The following WASF3 variants were observed in gnomAD, a reference collection of about 807,000 sequenced individuals.
WASF3 encodes the protein actin-binding protein WASF3.
Under a neutral mutation model 46.6 loss-of-function variants are expected in WASF3, and 11 were observed. The observed-to-expected ratio is 0.24, with a 90% CI of 0.15 to 0.39. The LOEUF (loss-of-function observed/expected upper bound fraction) is 0.39. WASF3 is among the 10% of genes least tolerant of loss of function. The pLI, the probability that WASF3 is intolerant of heterozygous loss-of-function variation, is 1.00. For missense variants in WASF3, 576 were observed against 669.8 expected (o/e 0.86, Z 1.55); for synonymous variants, 242 against 259.7 (o/e 0.93, Z 0.65).
Position 26,685,998 on chromosome 13 carries a change from T to C in WASF3, c.*153T>C, listed in dbSNP as rs1316008274. On this transcript the variant is annotated 3_prime_UTR_variant, in exon 10 of 10. Coordinates refer to ENST00000335327, the MANE Select transcript of WASF3 (RefSeq NM_006646.6). ...GCACATCCAAAAATTCTGGGTCTTT[T>C]CAGTATTTACTGTGTAATACTTAAG... The C allele has an allele frequency of 9.4e-7, 1 of 1,068,544 alleles. No individual in the cohort carries two copies. 66.2% of individuals were successfully genotyped at this position (1,068,544 alleles called of 1,614,324 possible).
intron 4 of WASF3, among the ~76,000 whole-genome samples, chr13:26,666,062 A>G (rs1419903423): frequency 6.6e-6 from 1 of 152,196 alleles, no homozygotes; most frequent in Admixed American, 6.5e-5. Context: ...CTCATCATTT[A>G]AAAAATATAT....
chr13:26,613,940 TAGC>T (rs1030770871), intron 2 of WASF3, among the ~76,000 whole-genome samples: 33 of 152,318 alleles, frequency 2.2e-4, no homozygotes, highest in African/African-American at 7.5e-4. Flanking sequence ...CAATGAGACA[TAGC>T]AGACTAGTAG....
chr13:26,566,872 G>A (rs769725423), intron 1 of WASF3, among the ~76,000 whole-genome samples: 14 of 152,250 alleles, frequency 9.2e-5, no homozygotes, highest in Non-Finnish European at 1.8e-4. Context: ...ACTGGAACTT[G>A]TGTGAGCATC....
At chr13:26,589,050 T>C (rs920236553) in intron 1 of WASF3, among the ~76,000 whole-genome samples, 2 of 152,168 alleles carry the variant, frequency 1.3e-5, no homozygotes, top group Non-Finnish European at 2.9e-5. Flanking sequence ...TGCCTCAGTC[T>C]CTCAAAGTGC....
chr13:26,605,837 TGTG>T (rs1015374286), intron 1 of WASF3, among the ~76,000 whole-genome samples: 1 of 152,254 alleles, frequency 6.6e-6, no homozygotes, highest in Non-Finnish European at 1.5e-5. Flanking sequence ...CACTTTTTGT[TGTG>T]GTAATGAATA....
intron 3 of WASF3, among the ~76,000 whole-genome samples, chr13:26,652,412 T>G (rs562898139): frequency 6.6e-6 from 1 of 152,246 alleles, no homozygotes; most frequent in Non-Finnish European, 1.5e-5. Flanking sequence ...AAACTCAAAA[T>G]CATAGTTGGA....
chr13:26,585,096 TA>T (rs35542854), intron 1 of WASF3, among the ~76,000 whole-genome samples: 3,138 of 143,482 alleles, frequency 0.022, 48 homozygotes, highest in Non-Finnish European at 0.03. Flanking sequence ...AAGAAAAATG[TA>T]AAAAAAAAAA....
intron 3 of WASF3, among the ~76,000 whole-genome samples, chr13:26,650,567 C>T (rs950328487): frequency 1.3e-5 from 2 of 152,146 alleles, no homozygotes; most frequent in African/African-American, 4.8e-5. Flanking sequence ...AAGTAGATAA[C>T]ATGCAGGGAC....
intron 3 of WASF3, among the ~76,000 whole-genome samples, chr13:26,659,799 G>A (rs773406862): frequency 7.9e-5 from 12 of 152,202 alleles, no homozygotes; most frequent in Non-Finnish European, 1.6e-4. Flanking sequence ...GTCTGTGACT[G>A]GAGCAACGGG....
chr13:26,557,447 T>C (rs913262934), upstream of WASF3, among the ~76,000 whole-genome samples: 6 of 152,208 alleles, frequency 3.9e-5, no homozygotes, highest in African/African-American at 1.2e-4. Context: ...GAAAGGACGC[T>C]GCCTAAGCCT....
In WASF3 at chr13:26,686,102, C is replaced by T; in HGVS notation, c.*257C>T. The T allele has an allele frequency of 2.2e-6, 1 of 445,892 alleles. No individual in the cohort carries two copies. The highest frequency in any genetic ancestry group is 4.0e-6 in the Non-Finnish European group (1 of 248,988). 27.6% of individuals were successfully genotyped at this position (445,892 alleles called of 1,614,324 possible). On this transcript the variant is annotated 3_prime_UTR_variant, in exon 10 of 10. Transcript: ENST00000335327. ...CACATTGTCCTGAAAACAGCATCTG[C>T]TTTCCTCTTGGCCATGAGAGTATTT...
intron 2 of WASF3, among the ~76,000 whole-genome samples, chr13:26,625,348 T>G (rs1881433116): frequency 6.6e-6 from 1 of 152,148 alleles, no homozygotes; most frequent in African/African-American, 2.4e-5. Flanking sequence ...GTCTACAAAC[T>G]GGGGACCCAG....
chr13:26,674,328 G>A (rs779310694), intron 6 of WASF3, among the ~76,000 whole-genome samples: 4 of 152,116 alleles, frequency 2.6e-5, no homozygotes, highest in East Asian at 1.9e-4. Context: ...GCCGAGAAGC[G>A]ATTATTCATT....
At chr13:26,564,681 A>G (rs896026248) in intron 1 of WASF3, among the ~76,000 whole-genome samples, 2 of 152,222 alleles carry the variant, frequency 1.3e-5, no homozygotes, top group African/African-American at 2.4e-5. Context: ...CCATTATTTT[A>G]TCAGCTAAAT....
At chr13:26,599,319 A>T (rs769078739) in intron 1 of WASF3, among the ~76,000 whole-genome samples, 3 of 151,354 alleles carry the variant, frequency 2.0e-5, no homozygotes, top group Non-Finnish European at 4.4e-5. Context: ...TGAAGCTGGG[A>T]TTACAGGTGC....
chr13:26,547,089 T>C, the WASF3 span, among the ~76,000 whole-genome samples: 16,931 of 151,702 alleles, frequency 0.11, 1,212 homozygotes, highest in South Asian at 0.23. Flanking sequence ...ATAGATATCA[T>C]GGTGGTTGGT....
chr13:26,660,401 C>A (rs181241905), intron 3 of WASF3, among the ~76,000 whole-genome samples: 30 of 152,030 alleles, frequency 2.0e-4, no homozygotes, highest in African/African-American at 7.2e-4. Flanking sequence ...GCATCATGGT[C>A]AGCACTGGGC....
intron 1 of WASF3, among the ~76,000 whole-genome samples, chr13:26,580,565 G>C (rs935875369): frequency 6.6e-6 from 1 of 151,158 alleles, no homozygotes; most frequent in Admixed American, 6.6e-5. Context: ...GTTTTATTTT[G>C]GGGGCTGCCT....
At position 26,605,324 on chromosome 13, in the gene WASF3, C is replaced by T. The variant is rs937067771; in HGVS notation, c.-108-7637C>T. Among the ~76,000 whole-genome samples, 11 of 152,052 alleles carry T rather than the reference C, an allele frequency of 7.2e-5. 1 individual carries two copies. Among genetic ancestry groups the T allele is most frequent in the African/African-American group, 2.7e-4 (11 of 41,396 alleles). On this transcript the variant is annotated intron_variant, in intron 1 of 9. Transcript: ENST00000335327. The stretch of plus-strand genomic sequence containing the variant: ...TATTATTATTTTATCTTTTTATGCC[C>T]GTTACAAAGAAGCTCATTAACTGTT...
Sources: gnomAD v4.1 joint callset for allele counts (sites outside exome capture counted in the v4.1 genomes callset) on GRCh38, gnomAD v4.1.1 for gene constraint, MANE v1.5 for transcripts, NCBI Gene and HGNC (gene_info 2026-07-23, HGNC 2026-07-21) for gene names.